The following NRG3 variants were observed in gnomAD, a reference collection of about 807,000 sequenced individuals.
NRG3 encodes the protein pro-neuregulin-3, membrane-bound isoform.
A neutral mutation model predicts 66.9 loss-of-function variants in NRG3; 31 were observed. The ratio of observed to expected loss-of-function variants is 0.46; its 90% confidence interval spans 0.35 to 0.63. NRG3 has a LOEUF of 0.63. NRG3 is among the 20% of genes least tolerant of loss of function. The pLI is 0.00. For missense variants in NRG3, 910 were observed against 878.9 expected (o/e 1.04, Z -0.45); for synonymous variants, 393 against 359.4 (o/e 1.09, Z -1.06).
intron 1 of NRG3, among the ~76,000 whole-genome samples, chr10:81,907,290 A>G (rs1844686339): frequency 6.6e-6 from 1 of 152,184 alleles, no homozygotes; most frequent in Non-Finnish European, 1.5e-5. Context: ...TCCACTGCCT[A>G]AATGAAAACA....
At chr10:82,177,151 T>G (rs571130535) in intron 1 of NRG3, among the ~76,000 whole-genome samples, 76 of 152,228 alleles carry the variant, frequency 5.0e-4, no homozygotes, top group Middle Eastern at 6.8e-3. Context: ...TTTGCTATGT[T>G]TATATTACTA....
intron 1 of NRG3, among the ~76,000 whole-genome samples, chr10:82,017,425 A>G (rs2061836496): frequency 1.3e-5 from 2 of 152,222 alleles, no homozygotes; most frequent in South Asian, 4.2e-4. Flanking sequence ...TTATAGCAGC[A>G]TGATTTATAG....
At chr10:82,630,856 A>G (rs1227743050) in intron 2 of NRG3, among the ~76,000 whole-genome samples, 1 of 152,202 alleles carries the variant, frequency 6.6e-6, no homozygotes, top group Non-Finnish European at 1.5e-5. Flanking sequence ...TTGGACAACA[A>G]GGTTTGCTTT....
At chr10:81,938,764 T>C (rs1208244090) in intron 1 of NRG3, among the ~76,000 whole-genome samples, 3 of 152,066 alleles carry the variant, frequency 2.0e-5, no homozygotes, top group Non-Finnish European at 4.4e-5. Context: ...TTTTCTTGTC[T>C]AATTGCTCTG....
At chr10:82,454,270 A>G (rs1288153062) in intron 2 of NRG3, among the ~76,000 whole-genome samples, 2 of 152,154 alleles carry the variant, frequency 1.3e-5, no homozygotes, top group Non-Finnish European at 2.9e-5. Flanking sequence ...GTTGTTTGCT[A>G]TGTACTTTAT....
At chr10:82,066,907 A>G (rs192068620) in intron 1 of NRG3, among the ~76,000 whole-genome samples, 1 of 152,240 alleles carries the variant, frequency 6.6e-6, no homozygotes, top group East Asian at 1.9e-4. Context: ...CCTTGTCCAT[A>G]GACTCATTAA....
At chr10:81,879,682 G>T (rs192562487) in intron 1 of NRG3, among the ~76,000 whole-genome samples, 133 of 152,214 alleles carry the variant, frequency 8.7e-4, no homozygotes, top group African/African-American at 2.9e-3. Flanking sequence ...GTTTAAGCAA[G>T]GTATGGAGGC....
intron 2 of NRG3, among the ~76,000 whole-genome samples, chr10:82,535,613 T>C (rs1010405344): frequency 1.5e-4 from 23 of 152,138 alleles, no homozygotes; most frequent in African/African-American, 5.3e-4. Flanking sequence ...GCTGGAATTG[T>C]TTTACATTTA....
intron 5 of NRG3, among the ~76,000 whole-genome samples, chr10:82,954,351 A>G (rs994336363): frequency 6.6e-5 from 10 of 151,888 alleles, no homozygotes; most frequent in East Asian, 1.9e-4. Flanking sequence ...GGGGCTGTCA[A>G]TGTCTCACTC....
intron 4 of NRG3, among the ~76,000 whole-genome samples, chr10:82,921,548 T>C (rs1408053229): frequency 6.6e-6 from 1 of 152,172 alleles, no homozygotes; most frequent in Non-Finnish European, 1.5e-5. Context: ...ATAAGTGAAA[T>C]TTCTCTACTA....
chr10:82,560,595 T>C (rs1445891662), intron 2 of NRG3, among the ~76,000 whole-genome samples: 1 of 151,064 alleles, frequency 6.6e-6, no homozygotes, highest in African/African-American at 2.4e-5. Flanking sequence ...TCAGTAAAAT[T>C]ATAGTTTTAT....
chr10:82,552,004 T>A (rs1044259783), intron 2 of NRG3, among the ~76,000 whole-genome samples: 4 of 152,052 alleles, frequency 2.6e-5, no homozygotes, highest in Non-Finnish European at 5.9e-5. Context: ...CGAACTGTAG[T>A]TTCCCACAGC....
chr10:82,915,354 C>G (rs527404787), intron 4 of NRG3, among the ~76,000 whole-genome samples: 2 of 152,204 alleles, frequency 1.3e-5, no homozygotes, highest in South Asian at 4.2e-4. Flanking sequence ...AAAAAAGAAA[C>G]TAGGAGGTCT....
At chr10:82,377,134 T>C (rs999903460) in intron 2 of NRG3, among the ~76,000 whole-genome samples, 1 of 152,214 alleles carries the variant, frequency 6.6e-6, no homozygotes, top group East Asian at 1.9e-4. Flanking sequence ...AATGTGAATT[T>C]AAATTTTACT....
chr10:81,917,857 G>T (rs1422541070), intron 1 of NRG3, among the ~76,000 whole-genome samples: 1 of 152,176 alleles, frequency 6.6e-6, no homozygotes, highest in Non-Finnish European at 1.5e-5. Context: ...GCTTTCAGGA[G>T]GGGAAAGTCA....
At chr10:82,689,709 T>G (rs1478195750) in intron 2 of NRG3, among the ~76,000 whole-genome samples, 2 of 152,212 alleles carry the variant, frequency 1.3e-5, no homozygotes, top group African/African-American at 4.8e-5. Context: ...AAGTGGCACA[T>G]TCTCAGTTCT....
In NRG3 at chr10:82,802,274, G is replaced by A. The variant is rs142996992; in HGVS notation, c.1028-63137G>A. Among the ~76,000 whole-genome samples the A allele has an allele frequency of 5.0e-3, 759 of 152,254 alleles. 2 individuals carry two copies. The highest frequency in any genetic ancestry group is 0.018 in the African/African-American group (733 of 41,542). ...TGTTGCCACAAATGAGTAGCATCTT[G>A]GATAAATGCAAATGTCTGGAAGTCA... On this transcript the variant is annotated intron_variant, in intron 3 of 8. Transcript: ENST00000372141.
chr10:82,820,307 C>T (rs534097613), intron 3 of NRG3, among the ~76,000 whole-genome samples: 1 of 152,328 alleles, frequency 6.6e-6, no homozygotes, highest in South Asian at 2.1e-4. Flanking sequence ...GAAATAAATA[C>T]ATCACAGTGT....
At chr10:82,051,907 C>T (rs1207725678) in intron 1 of NRG3, among the ~76,000 whole-genome samples, 5 of 152,114 alleles carry the variant, frequency 3.3e-5, no homozygotes, top group East Asian at 3.9e-4. Flanking sequence ...ACACCTTTCC[C>T]CACCAATTGT....
Sources: gnomAD v4.1 joint callset for allele counts (sites outside exome capture counted in the v4.1 genomes callset) on GRCh38, gnomAD v4.1.1 for gene constraint, MANE v1.5 for transcripts, NCBI Gene and HGNC (gene_info 2026-07-23, HGNC 2026-07-21) for gene names.